The following LIMS2 variants were observed in gnomAD, a reference collection of about 807,000 sequenced individuals.
LIMS2 encodes LIM and senescent cell antigen-like-containing domain protein 2.
A neutral mutation model predicts 45.3 loss-of-function variants in LIMS2; 30 were observed. The ratio of observed to expected loss-of-function variants is 0.66; its 90% CI spans 0.50 to 0.90. The LOEUF is 0.90. LIMS2 is among the 40% of genes least tolerant of loss of function. LIMS2 has a pLI of 0.00. For missense variants in LIMS2, 485 were observed against 468.7 expected, an observed-to-expected ratio of 1.03 and a Z score of -0.32; for synonymous variants, 173 against 188.0, an observed-to-expected ratio of 0.92 and a Z score of 0.65.
At chr2:127,678,847 G>A (rs1048634034), upstream of LIMS2, among the ~76,000 whole-genome samples, 1 of 152,128 alleles carries the variant, frequency 6.6e-6, no homozygotes, top group Non-Finnish European at 1.5e-5. The surrounding 1 kb of genome is among the most constrained non-coding windows in gnomAD (Gnocchi z 5.3). Flanking sequence ...GGTGGGCGGG[G>A]CACTGTGAAC....
intron 3 of LIMS2, 39 bp from the exon 4 acceptor site, chr2:127,654,583 GCCTGTC>G: frequency 6.2e-7 from 1 of 1,613,568 alleles, no homozygotes. Flanking sequence ...GGGAGCACGT[GCCTGTC>G]CCCTCTTCGG....
Position 127,642,890 on chromosome 2 carries a change from C to T in LIMS2, c.509+33G>A, listed in dbSNP as rs765589666. The T allele has an allele frequency of 1.3e-6, 2 of 1,547,366 alleles. No homozygotes were observed. The highest frequency in any genetic ancestry group is 1.4e-5 in the African/African-American group (1 of 73,188). ...CCCTGGGCCAGCCCTGGCTCCCCGCCCCCACAACTGCAGGGCCGGGCTGCG... is the reference window on the plus strand; with the variant it reads ...CCCTGGGCCAGCCCTGGCTCCCCGCTCCCACAACTGCAGGGCCGGGCTGCG... On this transcript the variant is annotated intron_variant, in intron 5 of 9. Transcript: ENST00000355119. This position sits in a 1 kb window ranked among gnomAD's most constrained non-coding sequence, Gnocchi z 5.3.
Position 127,664,667 on chromosome 2 carries a change from T to C in LIMS2, c.12-7105A>G. ...TTGGGTCCCGCTGGGAGGGGACTGGTCTGGGAAGGCCCCAGACAGCACTGA... is the reference window on the plus strand; with the variant it reads ...TTGGGTCCCGCTGGGAGGGGACTGGCCTGGGAAGGCCCCAGACAGCACTGA... On this transcript the variant is annotated intron_variant, in intron 1 of 9. Transcript: ENST00000355119. The surrounding 1 kb of genome is among the most constrained non-coding windows in gnomAD (Gnocchi z 5.5). 9.7e-7 allele frequency: 1 copy of C among 1,026,214 alleles called. No homozygotes were observed. The highest frequency in any genetic ancestry group is 4.7e-5 in the South Asian group (1 of 21,100). The allele number at this position is 1,026,214 out of a possible 1,614,324, so 63.6% of individuals were successfully genotyped here.
chr2:127,658,891 C>T (rs939458635), intron 1 of LIMS2, among the ~76,000 whole-genome samples: 3 of 152,206 alleles, frequency 2.0e-5, no homozygotes, highest in African/African-American at 7.2e-5. Context: ...CCTGCTCTGC[C>T]TCCCAGGATG....
At chr2:127,678,028 T>C (rs1007941238), upstream of LIMS2, among the ~76,000 whole-genome samples, 4 of 152,244 alleles carry the variant, frequency 2.6e-5, no homozygotes, top group African/African-American at 4.8e-5. The surrounding 1 kb of genome is among the most constrained non-coding windows in gnomAD (Gnocchi z 5.3). Context: ...TTTCATTATA[T>C]GTACATTTTA....
Position 127,672,823 on chromosome 2 carries a change from G to A in LIMS2, c.11+2191C>T, listed in dbSNP as rs1352386043. On this transcript the variant is annotated intron_variant, in intron 1 of 9. Coordinates refer to ENST00000355119, the MANE Select transcript of LIMS2 (RefSeq NM_001161403.3). The surrounding 1 kb of genome is among the most constrained non-coding windows in gnomAD (Gnocchi z 4.9). ...CTTGCCTGGTGAGGTCCTAGGGAGA[G>A]CTGGCAGGGAGAAGCCCTGAAGGTA... Among the ~76,000 whole-genome samples, 2 of 152,240 alleles carry A rather than the reference G, an allele frequency of 1.3e-5. No individual in the cohort carries two copies. Among genetic ancestry groups the A allele is most frequent in the Admixed American group, 1.3e-4 (2 of 15,292 alleles).
chr2:127,651,051 C>T, intron 4 of LIMS2: 2 of 1,613,778 alleles, frequency 1.2e-6, no homozygotes, highest in African/African-American at 1.3e-5. Flanking sequence ...CGCATGCCGT[C>T]TCACCGGCTT....
Position 127,642,548 on chromosome 2 carries a change from TGAGGG to T in LIMS2, c.510-354_510-350del, listed in dbSNP as rs1682538046. On this transcript the variant is annotated intron_variant, in intron 5 of 9. Transcript: ENST00000355119. The surrounding 1 kb of genome is among the most constrained non-coding windows in gnomAD (Gnocchi z 5.3). The stretch of plus-strand genomic sequence containing the variant: ...GGTGGGGGTGGGCGAGGACGGGGGC[TGAGGG>T]GCTGCCTATGCAACTCCTCTCTCCA... 1 of 362,980 alleles carries T rather than the reference TGAGGG, an allele frequency of 2.8e-6. No individual in the cohort carries two copies. The highest frequency in any genetic ancestry group is 5.0e-6 in the Non-Finnish European group (1 of 198,922). The allele number at this position is 362,980 out of a possible 1,614,324, so 22.5% of individuals were successfully genotyped here. A position where few individuals can be genotyped will look rare whatever the true frequency, so the allele number is the denominator to read the frequency against.
intron 8 of LIMS2, 36 bp from the exon 9 acceptor site, chr2:127,640,181 A>AGGCTGCCGCAGGCCCGGCTG (rs1237571151): frequency 6.2e-7 from 1 of 1,612,182 alleles, no homozygotes; most frequent in South Asian, 1.1e-5. Context: ...AGGCCTGGCT[A>AGGCTGCCGCAGGCCCGGCTG]GGCTGCCGCA....
rs1427192537 is a variant in LIMS2 at position 127,641,351 on chromosome 2, G to C, written c.661-363C>G. 1.2e-5 allele frequency: 3 copies of C among 241,556 alleles called. No homozygotes were observed. The East Asian group carries it at 3.0e-4, about 24-fold the overall frequency. The allele number at this position is 241,556 out of a possible 1,614,324, so 15.0% of individuals were successfully genotyped here. A position where few individuals can be genotyped will look rare whatever the true frequency, so the allele number is the denominator to read the frequency against. On this transcript the variant is annotated intron_variant, in intron 6 of 9. Transcript: ENST00000355119. ...TGCCAGCCTGGTGCTGCGGCATGGT[G>C]GGCCCTCATAGGCAGAGGCGGCCCT...
At chr2:127,668,692 AAAAAAAAAAAAAAAAAAAACAC>A (rs1685138801) in intron 1 of LIMS2, among the ~76,000 whole-genome samples, 4 of 134,264 alleles carry the variant, frequency 3.0e-5, no homozygotes, top group African/African-American at 9.3e-5. Flanking sequence ...AAAAAAAAAA[AAAAAAAAAAAAAAAAAAAACAC>A]CTTACTTAAA....
chr2:127,654,831 G>C lies in LIMS2; in HGVS notation c.237C>G (p.Cys79Trp). Reference sequence around the variant, plus strand: ...GATGTGTACTGTCACCGGCCTTACCGCAGGATCCACAGCACGGAGCAAACA... The same window carrying C: ...GATGTGTACTGTCACCGGCCTTACCCCAGGATCCACAGCACGGAGCAAACA... Reference protein sequence around the residue: ...QMLFAPCCGSCGEFIIGRVIK... With the variant: ...QMLFAPCCGSWGEFIIGRVIK... The change falls in exon 3 of 10, where the codon TGC (cysteine) becomes TGG (tryptophan). Residue 79 changes from cysteine (C) to tryptophan (W), a missense_variant and splice_region_variant. Transcript: ENST00000355119. The C allele has an allele frequency of 6.2e-7, 1 of 1,614,054 alleles. No homozygotes were observed. The highest frequency in any genetic ancestry group is 8.5e-7 in the Non-Finnish European group (1 of 1,179,964).
chr2:127,660,598 G>A (rs970187041), intron 1 of LIMS2, among the ~76,000 whole-genome samples: 1 of 152,166 alleles, frequency 6.6e-6, no homozygotes, highest in African/African-American at 2.4e-5. Context: ...CCCACCGGAA[G>A]GAAGAAACTC....
Position 127,647,089 on chromosome 2 carries a change from C to A in LIMS2, c.360-4017G>T, listed in dbSNP as rs1008134834. On this transcript the variant is annotated intron_variant, in intron 4 of 9. Transcript: ENST00000355119. This position sits in a 1 kb window ranked among gnomAD's most constrained non-coding sequence, Gnocchi z 4.3. ...GAGGCAGGAGGCACCACAGGCCCAC[C>A]TGGTGCCATGAGATATGCCACCCCT... 2.6e-5 allele frequency among the ~76,000 whole-genome samples: 4 copies of A among 152,228 alleles called. No homozygotes were observed. The highest frequency in any genetic ancestry group is 5.9e-5 in the Non-Finnish European group (4 of 68,034).
Position 127,671,290 on chromosome 2 carries a change from G to A in LIMS2, c.11+3724C>T, listed in dbSNP as rs115458760. Among the ~76,000 whole-genome samples the A allele has an allele frequency of 0.023, 3,492 of 152,208 alleles. 57 individuals carry two copies. Among genetic ancestry groups the A allele is most frequent in the Middle Eastern group, 0.088 (26 of 294 alleles). On this transcript the variant is annotated intron_variant, in intron 1 of 9. Transcript: ENST00000355119. The surrounding 1 kb of genome is among the most constrained non-coding windows in gnomAD (Gnocchi z 4.1). ...AATAAAAATACAAAAAAAATTAGCC[G>A]GTTGTGGTGGTATGCACCTGTAGTC...
chr2:127,675,004 G>T lies in LIMS2; in HGVS notation c.11+10C>A. On this transcript the variant is annotated intron_variant, in intron 1 of 9. Transcript: ENST00000355119. ...CTCCCCGGCCCGGGGGCGTGGGTGG[G>T]GGCCGTTACCTTCCCGTCATGGTGG... 1 of 1,229,906 alleles carries T rather than the reference G, an allele frequency of 8.1e-7. No individual in the cohort carries two copies. 76.2% of individuals were successfully genotyped at this position (1,229,906 alleles called of 1,614,324 possible). A position where few individuals can be genotyped will look rare whatever the true frequency, so the allele number is the denominator to read the frequency against.
intron 4 of LIMS2, chr2:127,650,855 G>A (rs17852980): frequency 6.2e-7 from 1 of 1,614,122 alleles, no homozygotes; most frequent in Admixed American, 1.7e-5. Flanking sequence ...TCTACCTTCT[G>A]GATTTTATCC....
At chr2:127,652,004 G>A in intron 4 of LIMS2, 1 of 549,954 alleles carries the variant, frequency 1.8e-6, no homozygotes, top group Non-Finnish European at 3.3e-6. Context: ...GACTTCATCT[G>A]TGGCAGGGAG....
intron 1 of LIMS2, among the ~76,000 whole-genome samples, chr2:127,660,026 T>TC (rs1182927670): frequency 6.6e-6 from 1 of 152,096 alleles, no homozygotes; most frequent in Non-Finnish European, 1.5e-5. Context: ...CAACTAGCAC[T>TC]CCCCAGTTAC....
Sources: gnomAD v4.1 joint callset for allele counts (sites outside exome capture counted in the v4.1 genomes callset) on GRCh38, gnomAD v4.1.1 for gene constraint, Gnocchi (gnomAD v3.1) non-coding constraint, MANE v1.5 for transcripts, NCBI Gene and HGNC (gene_info 2026-07-23, HGNC 2026-07-21) for gene names.